Variants in POLN observed in about 807,000 individuals in gnomAD.
The protein encoded by POLN is DNA polymerase nu, also known as DNA polymerase N.
In POLN, 108 loss-of-function variants were observed where a neutral mutation model predicts 113.5. The ratio of observed to expected loss-of-function variants is 0.95; its 90% confidence interval spans 0.81 to 1.12. The LOEUF (loss-of-function observed/expected upper bound fraction) is 1.12. POLN is among the 50% of genes most tolerant of loss of function. POLN has a pLI of 0.00. For missense variants in POLN, 1,097 were observed against 1,077.1 expected, an observed-to-expected ratio of 1.02 and a Z score of -0.26; for synonymous variants, 386 against 391.5, an observed-to-expected ratio of 0.99 and a Z score of 0.17.
In POLN at chr4:2,173,978, C is replaced by A. The variant is rs1415978587; in HGVS notation, c.1351G>T (p.Glu451Ter). 6.2e-7 allele frequency: 1 copy of A among 1,614,088 alleles called. No homozygotes were observed. Among genetic ancestry groups the A allele is most frequent in the African/African-American group, 1.3e-5 (1 of 74,938 alleles). ...HAIQVNKEEM[E>*]KTSALLGARL... ...ACCCCAAGAAGTGCTGACGTCTTCT[C>A]CATCTCCTCTTTGTTCACCTGAATG... is the stretch of plus-strand genomic sequence containing the variant. Residue 451 changes from glutamate (E) to a stop codon, truncating the protein, a stop_gained, in exon 11 of 26, where the codon GAG (glutamate) becomes TAG (stop). Transcript: ENST00000511885. LOFTEE classifies it high-confidence loss of function.
rs180951637 is a variant in POLN, at chr4:2,224,666, T to C, written c.133+4433A>G. Among the ~76,000 whole-genome samples the C allele has an allele frequency of 1.2e-3, 182 of 152,266 alleles. 1 individual carries two copies. Among genetic ancestry groups the C allele is most frequent in the Non-Finnish European group, 1.9e-3 (132 of 68,010 alleles). ...CGCCAGCATCACAACAAAAACATAATGCAGCTGGGTGCGGTGGCTCATGCC... is the reference window on the plus strand; with the variant it reads ...CGCCAGCATCACAACAAAAACATAACGCAGCTGGGTGCGGTGGCTCATGCC... On this transcript the variant is annotated intron_variant, in intron 3 of 25. Coordinates refer to ENST00000511885, the MANE Select transcript of POLN (RefSeq NM_181808.4).
chr4:2,179,392 A>G lies in POLN; in HGVS notation c.1095T>C (p.Phe365=). ...LIDPSDATPS[F]EDLVEKYCEK... is the part of the protein sequence containing the mutation. ...CACAGTATTTTTCTACTAAATCTTC[A>G]AAAGAGGGTGTGGCATCACTAGGAT... Residue 365 remains phenylalanine, a synonymous_variant, in exon 8 of 26, where the codon TTT becomes TTC. Coordinates refer to ENST00000511885, the MANE Select transcript of POLN (RefSeq NM_181808.4). 1 of 1,613,484 alleles carries G rather than the reference A, an allele frequency of 6.2e-7. No individual in the cohort carries two copies. The highest frequency in any genetic ancestry group is 8.5e-7 in the Non-Finnish European group (1 of 1,179,428).
chr4:2,170,794 A>T lies in POLN; in HGVS notation c.1459-20T>A. On this transcript the variant is annotated intron_variant, in intron 12 of 25. Transcript: ENST00000511885. ...GAGGATCTTCAACAAAACAAATTAA[A>T]CATGGTGAGGGAATCTCACATTTGA... 6.3e-7 allele frequency: 1 copy of T among 1,597,440 alleles called. No individual in the cohort carries two copies. The highest frequency in any genetic ancestry group is 1.1e-5 in the South Asian group (1 of 90,630).
chr4:2,161,689 T>C (rs1325989341), intron 13 of POLN, among the ~76,000 whole-genome samples: 4 of 152,224 alleles, frequency 2.6e-5, no homozygotes, highest in Non-Finnish European at 4.4e-5. Context: ...GCTTCACCTG[T>C]AGCCCCTGTG....
chr4:2,122,293 T>C (rs1427231113), intron 19 of POLN, among the ~76,000 whole-genome samples: 1 of 152,178 alleles, frequency 6.6e-6, no homozygotes, highest in Non-Finnish European at 1.5e-5. Context: ...TGTTATTAAA[T>C]TTATTACATA....
intron 5 of POLN, among the ~76,000 whole-genome samples, chr4:2,199,077 T>G (rs745785138): frequency 2.6e-5 from 4 of 152,168 alleles, no homozygotes; most frequent in Non-Finnish European, 5.9e-5. Context: ...AGCTAATATG[T>G]GAATTTAGCA....
At position 2,126,631 on chromosome 4, in the gene POLN, A is replaced by T. The variant is rs1054947149; in HGVS notation, c.1982+1482T>A. On this transcript the variant is annotated intron_variant, in intron 19 of 25. Coordinates refer to ENST00000511885, the MANE Select transcript of POLN (RefSeq NM_181808.4). This position sits in a 1 kb window ranked among gnomAD's most constrained non-coding sequence, Gnocchi z 4.6. ...AGGAGTGGAGACCAGAGAGGAGTGG[A>T]GACCAGAGAGGAGCGGCGCCGTGCC... 1.3e-5 allele frequency among the ~76,000 whole-genome samples: 2 copies of T among 152,030 alleles called. No individual in the cohort carries two copies. Among genetic ancestry groups the T allele is most frequent in the South Asian group, 2.1e-4 (1 of 4,816 alleles).
At chr4:2,163,781 C>T (rs1466793926) in intron 13 of POLN, among the ~76,000 whole-genome samples, 2 of 152,218 alleles carry the variant, frequency 1.3e-5, no homozygotes, top group East Asian at 1.9e-4. Flanking sequence ...TATCCCAGGG[C>T]GACTTTAGTA....
intron 4 of POLN, among the ~76,000 whole-genome samples, chr4:2,209,278 G>A (rs183685075): frequency 5.7e-4 from 87 of 151,930 alleles, no homozygotes; most frequent in African/African-American, 2.0e-3. Flanking sequence ...TCAACAGTTC[G>A]AGACCATCCT....
At chr4:2,196,725 C>T (rs550037640) in intron 6 of POLN, among the ~76,000 whole-genome samples, 1 of 152,056 alleles carries the variant, frequency 6.6e-6, no homozygotes, top group African/African-American at 2.4e-5. Flanking sequence ...GTCCTCTCCC[C>T]CTTCCCCAGG....
At chr4:2,153,610 G>A (rs1044630025) in intron 16 of POLN, among the ~76,000 whole-genome samples, 2 of 150,626 alleles carry the variant, frequency 1.3e-5, no homozygotes, top group African/African-American at 4.9e-5. Context: ...TTGAGATGGA[G>A]TCTCGCTCTG....
At chr4:2,181,311 A>G (rs1733135958) in intron 7 of POLN, among the ~76,000 whole-genome samples, 1 of 151,988 alleles carries the variant, frequency 6.6e-6, no homozygotes, top group African/African-American at 2.4e-5. Context: ...TGCCCAGCTA[A>G]TTTTTGTTTT....
At position 2,191,667 on chromosome 4, in the gene POLN, A is replaced by G. The variant is rs563852003; in HGVS notation, c.1021+1537T>C. Among the ~76,000 whole-genome samples, 16 of 152,266 alleles carry G rather than the reference A, an allele frequency of 1.1e-4. No individual in the cohort carries two copies. In the South Asian group the frequency reaches 3.3e-3, roughly 32 times the overall value. On this transcript the variant is annotated intron_variant, in intron 7 of 25. Coordinates refer to ENST00000511885, the MANE Select transcript of POLN (RefSeq NM_181808.4). ...GAAGGAAAAAAAAGAATAAAAGATT[A>G]TTGGTTATTTTGCTTGGGGGTGGGG...
chr4:2,083,941 A>T (rs1730491302), intron 21 of POLN, among the ~76,000 whole-genome samples: 2 of 152,216 alleles, frequency 1.3e-5, no homozygotes, highest in Admixed American at 1.3e-4. Context: ...CTCTCCCAGG[A>T]CCTTGGGACG....
At chr4:2,227,245 C>A (rs2108772732) in intron 3 of POLN, among the ~76,000 whole-genome samples, 1 of 152,306 alleles carries the variant, frequency 6.6e-6, no homozygotes, top group Non-Finnish European at 1.5e-5. Context: ...CTGGGGATGC[C>A]TTCCAGACAC....
intron 3 of POLN, among the ~76,000 whole-genome samples, chr4:2,222,258 T>A (rs966386915): frequency 6.6e-6 from 1 of 152,034 alleles, no homozygotes; most frequent in Non-Finnish European, 1.5e-5. Context: ...TTTCCTCAGA[T>A]CAAGACCTTA....
At chr4:2,209,212 T>G (rs982717227) in intron 4 of POLN, among the ~76,000 whole-genome samples, 5 of 152,108 alleles carry the variant, frequency 3.3e-5, no homozygotes, top group African/African-American at 1.2e-4. Flanking sequence ...CCAGGTGCAG[T>G]GGCTCACACC....
At chr4:2,115,606 G>A (rs898161381) in intron 19 of POLN, among the ~76,000 whole-genome samples, 1 of 152,034 alleles carries the variant, frequency 6.6e-6, no homozygotes, top group Non-Finnish European at 1.5e-5. Context: ...ACATGTTCTT[G>A]CTTCTTCTTA....
chr4:2,121,631 G>T (rs954829562), intron 19 of POLN, among the ~76,000 whole-genome samples: 5 of 151,818 alleles, frequency 3.3e-5, no homozygotes, highest in African/African-American at 1.2e-4. Context: ...CTAAATTGTT[G>T]AATTGTTATA....
Sources: allele counts gnomAD v4.1 joint callset (sites outside exome capture counted in the v4.1 genomes callset), GRCh38; gene constraint gnomAD v4.1.1; non-coding constraint Gnocchi (gnomAD v3.1); transcripts MANE v1.5; gene names NCBI Gene and HGNC (gene_info 2026-07-23, HGNC 2026-07-21).